Variants in BPTF observed in about 807,000 individuals in gnomAD.
BPTF encodes the protein bromodomain PHD finger transcription factor, also known as nucleosome-remodeling factor subunit BPTF.
In BPTF, 18 loss-of-function variants were observed where a neutral mutation model predicts 292.5. The observed-to-expected ratio is 0.06, with a 90% CI of 0.04 to 0.09. The LOEUF (loss-of-function observed/expected upper bound fraction) is 0.09, where lower values mean the gene tolerates loss of function less well. BPTF is among the 10% of genes least tolerant of loss of function. The pLI is 1.00. For missense variants in BPTF, 2,726 were observed against 3,498.7 expected (o/e 0.78, Z 5.57); for synonymous variants, 1,225 against 1,251.9 (o/e 0.98, Z 0.45).
At position 67,879,666 on chromosome 17, in the gene BPTF, GCAT is replaced by G. The variant is rs563100426; in HGVS notation, c.1864+4648_1864+4650del. On this transcript the variant is annotated intron_variant, in intron 4 of 27. Transcript: ENST00000306378. ...TACAAGAAGCATGGTACTGACATCT[GCAT>G]CTGGTGAGGGCCTTATGATGCTTCC... 1.3e-3 allele frequency among the ~76,000 whole-genome samples: 191 copies of G among 152,292 alleles called. 8 individuals carry two copies. The East Asian group carries it at 0.034, about 27-fold the overall frequency.
At chr17:67,873,914 T>C (rs1400228499) in intron 3 of BPTF, among the ~76,000 whole-genome samples, 1 of 151,956 alleles carries the variant, frequency 6.6e-6, no homozygotes, top group Non-Finnish European at 1.5e-5. Flanking sequence ...CTTGGAGAGA[T>C]GGTGGATTGT....
intron 9 of BPTF, among the ~76,000 whole-genome samples, chr17:67,906,619 A>G (rs554136030): frequency 2.6e-5 from 4 of 152,192 alleles, no homozygotes; most frequent in East Asian, 1.9e-4. Context: ...CCTCACCACT[A>G]TCCTGCTCTT....
intron 26 of BPTF, among the ~76,000 whole-genome samples, chr17:67,971,314 A>G (rs782776233): frequency 5.9e-4 from 89 of 151,646 alleles, no homozygotes; most frequent in Non-Finnish European, 8.5e-4. Flanking sequence ...CCTGACCTCA[A>G]GGGATCCACC....
At chr17:67,909,787 A>C in intron 10 of BPTF, 26 bp downstream of exon 10, 1 of 1,485,726 alleles carries the variant, frequency 6.7e-7, no homozygotes, top group Non-Finnish European at 9.0e-7. Context: ...TGTGGAGGGC[A>C]GCCTGGGGGT....
chr17:67,886,243 T>G (rs764992740), intron 4 of BPTF: 3 of 1,613,960 alleles, frequency 1.9e-6, no homozygotes, highest in Non-Finnish European at 2.5e-6. Flanking sequence ...AGAGTGAATC[T>G]GCTAAGGCAG....
Position 67,912,387 on chromosome 17 carries a change from T to G in BPTF, c.4503T>G (p.Leu1501=). 4 of 1,613,942 alleles carry G rather than the reference T, an allele frequency of 2.5e-6. No homozygotes were observed. The highest frequency in any genetic ancestry group is 3.4e-6 in the Non-Finnish European group (4 of 1,179,944). The change falls in exon 11 of 28, where the codon CTT becomes CTG. Residue 1501 remains leucine (L), a synonymous_variant. Coordinates refer to ENST00000306378, the MANE Select transcript of BPTF (RefSeq NM_182641.4). ...SDAEGNYRDS[L]ETLPSTKESD... ...CTGAAGGTAACTACCGAGATAGCCTTGAGACCCTGCCATCAACCAAAGAGT... is the reference window on the plus strand; with the variant it reads ...CTGAAGGTAACTACCGAGATAGCCTGGAGACCCTGCCATCAACCAAAGAGT...
At chr17:67,855,562 G>A (rs544059054) in intron 2 of BPTF, among the ~76,000 whole-genome samples, 18 of 152,328 alleles carry the variant, frequency 1.2e-4, no homozygotes, top group Admixed American at 1.2e-3. Flanking sequence ...GAGGGTCATA[G>A]TCTGGCCTCA....
intron 1 of BPTF, among the ~76,000 whole-genome samples, chr17:67,837,602 G>A (rs1324633206): frequency 1.3e-5 from 2 of 152,082 alleles, no homozygotes; most frequent in East Asian, 3.9e-4. Flanking sequence ...TAGTGACGGG[G>A]TTTCACCATG....
rs376436493 is a variant in BPTF, at chr17:67,911,318, C to G, written c.3434C>G (p.Ser1145Cys). The G allele has an allele frequency of 1.1e-5, 17 of 1,614,048 alleles. No homozygotes were observed. Among genetic ancestry groups the G allele is most frequent in the Non-Finnish European group, 1.4e-5 (17 of 1,179,990 alleles). Reference sequence around the variant, plus strand: ...ATTCAGGGATGTTCAGAAAGTGATTCCTCAGTTCTTAGAATGAGTGATCCT... The same window carrying G: ...ATTCAGGGATGTTCAGAAAGTGATTGCTCAGTTCTTAGAATGAGTGATCCT... ...DLIQGCSESD[S>C]SVLRMSDPSH... is the part of the protein sequence containing the mutation. The change falls in exon 11 of 28, where the codon TCC becomes TGC. Residue 1145 changes from serine (S) to cysteine (C), a missense_variant. By Grantham distance (112) the Ser-to-Cys change is moderately radical (BLOSUM62 -1). Coordinates refer to ENST00000306378, the MANE Select transcript of BPTF (RefSeq NM_182641.4).
intron 4 of BPTF, among the ~76,000 whole-genome samples, chr17:67,877,627 G>GT (rs943496635): frequency 5.7e-4 from 73 of 127,232 alleles, no homozygotes; most frequent in Non-Finnish European, 6.6e-4. Flanking sequence ...TTTTGGTAAA[G>GT]TTTTTTTTTG....
chr17:67,932,245 T>C (rs1032276846), intron 18 of BPTF, among the ~76,000 whole-genome samples: 2 of 152,188 alleles, frequency 1.3e-5, no homozygotes, highest in African/African-American at 4.8e-5. Context: ...CAGAAATCAC[T>C]AATAAATAAA....
At chr17:67,923,471 CTTTTTTTTTTT>C (rs58462646) in intron 14 of BPTF, among the ~76,000 whole-genome samples, 16 of 67,514 alleles carry the variant, frequency 2.4e-4, no homozygotes, top group South Asian at 6.6e-4. Flanking sequence ...CTCTCTCTGT[CTTTTTTTTTTT>C]TTTTTTTTTT....
At chr17:67,907,176 C>CACTGT (rs2062263491) in intron 9 of BPTF, among the ~76,000 whole-genome samples, 1 of 135,790 alleles carries the variant, frequency 7.4e-6, no homozygotes, top group Admixed American at 7.7e-5. Flanking sequence ...CAGAGCAAGA[C>CACTGT]ACTGTCTCCA....
At chr17:67,875,828 T>A in intron 4 of BPTF, 1 of 1,158,870 alleles carries the variant, frequency 8.6e-7, no homozygotes, top group Non-Finnish European at 1.1e-6. Context: ...CCTAAAACCT[T>A]AAACTATGTG....
At chr17:67,900,575 ATAAT>A (rs761992008) in intron 7 of BPTF, among the ~76,000 whole-genome samples, 1 of 151,738 alleles carries the variant, frequency 6.6e-6, no homozygotes, top group Non-Finnish European at 1.5e-5. Flanking sequence ...ACCAAAAATA[ATAAT>A]TAATTAATTA....
chr17:67,946,465 C>A, intron 21 of BPTF, 140 bp downstream of exon 21: 9 of 1,292,768 alleles, frequency 7.0e-6, no homozygotes, highest in Middle Eastern at 2.7e-4. Context: ...ACTGAATTGA[C>A]CAAAAAAAAT....
At chr17:67,867,784 C>T (rs879272185) in intron 3 of BPTF, among the ~76,000 whole-genome samples, 9 of 152,086 alleles carry the variant, frequency 5.9e-5, no homozygotes, top group South Asian at 2.1e-4. Flanking sequence ...ATCTTCTTAT[C>T]AAGAGTGCAT....
rs1309235493 is a variant in BPTF at position 67,874,887 on chromosome 17, A to G, written c.1731A>G (p.Glu577=). ...IDNVKSPEET[E]KDKNETENDS... is the part of the protein sequence containing the mutation. ...ATGTTAAAAGCCCAGAAGAAACAGA[A>G]AAAGACAAGAATGAGACTGAGAATG... Residue 577 remains glutamate (E), a synonymous_variant, in exon 4 of 28, where the codon GAA becomes GAG. Transcript: ENST00000306378. 7 of 1,613,886 alleles carry G rather than the reference A, an allele frequency of 4.3e-6. No individual in the cohort carries two copies. The highest frequency in any genetic ancestry group is 5.9e-6 in the Non-Finnish European group (7 of 1,179,906).
chr17:67,916,577 C>G (rs1168659490), intron 11 of BPTF, among the ~76,000 whole-genome samples: 2 of 151,340 alleles, frequency 1.3e-5, no homozygotes, highest in Admixed American at 1.3e-4. Flanking sequence ...GCGACAAGAG[C>G]AAAACTCCGT....
Sources: allele counts gnomAD v4.1 joint callset (sites outside exome capture counted in the v4.1 genomes callset), GRCh38; gene constraint gnomAD v4.1.1; transcripts MANE v1.5; gene names NCBI Gene and HGNC (gene_info 2026-07-23, HGNC 2026-07-21).